The following KCNH1 variants were observed in gnomAD, a reference collection of about 807,000 sequenced individuals.
KCNH1 encodes potassium voltage-gated channel subfamily H member 1, also known as voltage-gated delayed rectifier potassium channel KCNH1.
Under a neutral mutation model 69.2 loss-of-function variants are expected in KCNH1, and 27 were observed. The ratio of observed to expected loss-of-function variants is 0.39; its 90% CI spans 0.29 to 0.54. The LOEUF (loss-of-function observed/expected upper bound fraction) is 0.54. KCNH1 is among the 20% of genes least tolerant of loss of function. The pLI, the probability that KCNH1 is intolerant of heterozygous loss-of-function variation, is 0.68. For synonymous variants in KCNH1, 456 were observed against 487.7 expected, an observed-to-expected ratio of 0.93 and a Z score of 0.86; for missense variants, 798 against 1,261.6, an observed-to-expected ratio of 0.63 and a Z score of 5.57.
intron 6 of KCNH1, among the ~76,000 whole-genome samples, chr1:210,987,387 C>T (rs1688860804): frequency 1.3e-5 from 2 of 152,164 alleles, no homozygotes; most frequent in Non-Finnish European, 2.9e-5. Context: ...AGTTTTTCTG[C>T]TCTGTTTTCT....
intron 10 of KCNH1, among the ~76,000 whole-genome samples, chr1:210,755,782 C>G (rs1010482971): frequency 6.6e-6 from 1 of 152,192 alleles, no homozygotes; most frequent in Non-Finnish European, 1.5e-5. Flanking sequence ...CCCAGATCCC[C>G]ACTTTCCTAG....
At chr1:210,698,981 C>T (rs1029432051) in intron 10 of KCNH1, among the ~76,000 whole-genome samples, 1 of 152,210 alleles carries the variant, frequency 6.6e-6, no homozygotes, top group Admixed American at 6.5e-5. Context: ...TCCTTTTCAC[C>T]ATTGTCATCT....
chr1:210,862,244 T>C (rs377562711), intron 7 of KCNH1: 3 of 1,107,152 alleles, frequency 2.7e-6, no homozygotes, highest in Admixed American at 1.7e-5. Flanking sequence ...GCTGGGTCCA[T>C]GGTGCCCCGC....
At chr1:210,705,088 A>G (rs890453731) in intron 10 of KCNH1, among the ~76,000 whole-genome samples, 1 of 152,134 alleles carries the variant, frequency 6.6e-6, no homozygotes, top group African/African-American at 2.4e-5. Context: ...ACAAGAATTG[A>G]TCTCACTTGC....
intron 6 of KCNH1, among the ~76,000 whole-genome samples, chr1:210,926,259 A>T (rs2102569983): frequency 6.7e-6 from 1 of 150,146 alleles, no homozygotes; most frequent in East Asian, 2.0e-4. Flanking sequence ...GCAAAACTCC[A>T]TCTAAACACA....
At chr1:211,117,215 C>A (rs1448368639) in intron 1 of KCNH1, among the ~76,000 whole-genome samples, 1 of 152,208 alleles carries the variant, frequency 6.6e-6, no homozygotes, top group East Asian at 1.9e-4. Context: ...TTACACATCT[C>A]AGGTCTCCTA....
At chr1:210,985,478 T>C (rs1280380831) in intron 6 of KCNH1, among the ~76,000 whole-genome samples, 1 of 152,244 alleles carries the variant, frequency 6.6e-6, no homozygotes, top group Non-Finnish European at 1.5e-5. Context: ...TTCTGGTATG[T>C]TGTGTCTTTG....
chr1:210,836,190 G>A (rs908426628), intron 7 of KCNH1, among the ~76,000 whole-genome samples: 2 of 150,608 alleles, frequency 1.3e-5, no homozygotes, highest in Non-Finnish European at 3.0e-5. Flanking sequence ...CATTTTGAAA[G>A]CCTCTGAGCT....
chr1:210,913,408 A>G (rs914759443), intron 7 of KCNH1, among the ~76,000 whole-genome samples: 3 of 152,184 alleles, frequency 2.0e-5, no homozygotes, highest in Admixed American at 2.0e-4. Context: ...TGGGAAGAGC[A>G]AGAAACAAAC....
intron 4 of KCNH1, among the ~76,000 whole-genome samples, chr1:211,089,485 T>A (rs556723805): frequency 6.6e-6 from 1 of 152,368 alleles, no homozygotes; most frequent in South Asian, 2.1e-4. Context: ...AGTACTGTGC[T>A]CTGAACTCCA....
At position 211,090,561 on chromosome 1, in the gene KCNH1, C is replaced by T; in HGVS notation, c.439+1G>A. 6.3e-7 allele frequency: 1 copy of T among 1,598,424 alleles called. No individual in the cohort carries two copies. Among genetic ancestry groups the T allele is most frequent in the Non-Finnish European group, 8.5e-7 (1 of 1,176,396 alleles). ...TATTTGTACAAGTCAGAATTACAAA[C>T]CTTTACATGAATCATCCTCAATTGG... On this transcript the variant is annotated splice_donor_variant, in intron 4 of 10. Transcript: ENST00000271751. LOFTEE classifies it high-confidence loss of function.
chr1:210,855,198 C>T (rs1473775085), intron 7 of KCNH1, among the ~76,000 whole-genome samples: 1 of 152,126 alleles, frequency 6.6e-6, no homozygotes, highest in Non-Finnish European at 1.5e-5. Context: ...CAAAAACACT[C>T]ATTGACAGCC....
intron 5 of KCNH1, among the ~76,000 whole-genome samples, chr1:211,050,305 T>C (rs1571607757): frequency 3.0e-5 from 3 of 100,722 alleles, no homozygotes; most frequent in African/African-American, 3.6e-5. Flanking sequence ...AGCTTGATGC[T>C]AACAAGGCTG....
At chr1:211,083,259 A>C (rs374263630) in intron 4 of KCNH1, among the ~76,000 whole-genome samples, 4 of 152,244 alleles carry the variant, frequency 2.6e-5, no homozygotes, top group East Asian at 3.8e-4. Flanking sequence ...ATATCGGGTA[A>C]TTGAGATGTT....
chr1:210,887,127 C>T (rs115670444), intron 7 of KCNH1, among the ~76,000 whole-genome samples: 1,674 of 152,012 alleles, frequency 0.011, 37 homozygotes, highest in African/African-American at 0.038. Context: ...GAAAAAATAA[C>T]GTTAAGGGAA....
intron 10 of KCNH1, among the ~76,000 whole-genome samples, chr1:210,736,280 G>A (rs1026514511): frequency 3.3e-5 from 5 of 152,234 alleles, no homozygotes; most frequent in Middle Eastern, 3.4e-3. Context: ...GTAAAGAGTA[G>A]GCATTTATTA....
intron 7 of KCNH1, among the ~76,000 whole-genome samples, chr1:210,864,601 A>G (rs1686064425): frequency 6.6e-6 from 1 of 152,190 alleles, no homozygotes; most frequent in African/African-American, 2.4e-5. Flanking sequence ...TCCTACCTCT[A>G]TGGAGGGAGT....
At chr1:210,784,980 C>T (rs1051440653) in intron 9 of KCNH1, among the ~76,000 whole-genome samples, 10 of 152,160 alleles carry the variant, frequency 6.6e-5, no homozygotes, top group Admixed American at 3.9e-4. Flanking sequence ...CCTGGCCTTA[C>T]CTATCATGGA....
chr1:211,014,892 T>C (rs1689464892), intron 6 of KCNH1, among the ~76,000 whole-genome samples: 1 of 152,178 alleles, frequency 6.6e-6, no homozygotes, highest in African/African-American at 2.4e-5. Flanking sequence ...AGACAGCATA[T>C]GGTGAATAGG....
Sources: gnomAD v4.1 joint callset for allele counts (sites outside exome capture counted in the v4.1 genomes callset) on GRCh38, gnomAD v4.1.1 for gene constraint, MANE v1.5 for transcripts, NCBI Gene and HGNC (gene_info 2026-07-23, HGNC 2026-07-21) for gene names.